Variants in ZNF33B observed in about 807,000 individuals in gnomAD.
The protein encoded by ZNF33B is zinc finger protein 33B, also known as zinc finger protein 11b (KOX 2).
A neutral mutation model predicts 45.8 loss-of-function variants in ZNF33B; 29 were observed. The ratio of observed to expected loss-of-function variants is 0.63; its 90% CI spans 0.47 to 0.86. The LOEUF (loss-of-function observed/expected upper bound fraction) is 0.86. ZNF33B is among the 40% of genes least tolerant of loss of function. The probability of loss-of-function intolerance (pLI) is 0.00; values close to 1 mark genes in which losing one functional copy is unlikely to be tolerated. For missense variants in ZNF33B, 831 were observed against 909.9 expected, an observed-to-expected ratio of 0.91 and a Z score of 1.12; for synonymous variants, 305 against 307.8, an observed-to-expected ratio of 0.99 and a Z score of 0.10.
chr10:42,584,369 C>G (rs1405934189), downstream of ZNF33B, among the ~76,000 whole-genome samples: 3 of 152,152 alleles, frequency 2.0e-5, no homozygotes, highest in African/African-American at 4.8e-5. Context: ...CTGCAAGACA[C>G]AGCCCACCTT....
In ZNF33B at chr10:42,638,116, T is replaced by G. The variant is rs1478593636; in HGVS notation, c.-45+358A>C. 3.9e-5 allele frequency among the ~76,000 whole-genome samples: 6 copies of G among 152,248 alleles called. No homozygotes were observed. The East Asian group carries it at 7.7e-4, about 20-fold the overall frequency. On this transcript the variant is annotated intron_variant, in intron 1 of 4. Transcript: ENST00000359467. The stretch of plus-strand genomic sequence containing the variant: ...AGAGTCCGTATGTCGGGCGGGCGAC[T>G]GCACCCGCCCTTTCCTACCCAGGTA...
intron 4 of ZNF33B, among the ~76,000 whole-genome samples, chr10:42,627,428 T>A (rs185633695): frequency 6.6e-6 from 1 of 152,378 alleles, no homozygotes; most frequent in East Asian, 1.9e-4. Flanking sequence ...TCATTTTATA[T>A]TTTTAATCAA....
intron 4 of ZNF33B, among the ~76,000 whole-genome samples, chr10:42,605,555 C>T (rs951510825): frequency 2.0e-5 from 3 of 151,976 alleles, no homozygotes; most frequent in African/African-American, 7.3e-5. Flanking sequence ...ACCAAAAAAA[C>T]TTGAGAATCC....
intron 4 of ZNF33B, among the ~76,000 whole-genome samples, chr10:42,626,728 A>G (rs935433480): frequency 1.3e-5 from 2 of 151,572 alleles, no homozygotes; most frequent in Non-Finnish European, 2.9e-5. Flanking sequence ...TAAATAAAAT[A>G]AAGAAATGTT....
At chr10:42,622,863 A>G (rs1035677192) in intron 4 of ZNF33B, among the ~76,000 whole-genome samples, 4 of 152,250 alleles carry the variant, frequency 2.6e-5, no homozygotes, top group African/African-American at 9.6e-5. Flanking sequence ...TGAAAATAAG[A>G]GCTAAAACAA....
chr10:42,632,059 G>A, intron 3 of ZNF33B, 35 bp from the exon 4 acceptor site: 1 of 1,606,038 alleles, frequency 6.2e-7, no homozygotes, highest in African/African-American at 1.3e-5. Flanking sequence ...TTTGGACCAA[G>A]CAGTCTAGAC....
At chr10:42,575,107 G>A (rs954487198) in intron 1 of ZNF33B, among the ~76,000 whole-genome samples, 1 of 152,182 alleles carries the variant, frequency 6.6e-6, no homozygotes, top group African/African-American at 2.4e-5. Flanking sequence ...GTATAAGAAA[G>A]AAGCGTGGTC....
chr10:42,636,776 A>G (rs899412682), intron 2 of ZNF33B, 144 bp downstream of exon 2: 23 of 1,102,274 alleles, frequency 2.1e-5, no homozygotes, highest in Non-Finnish European at 2.7e-5. Context: ...TGCAGTGAAC[A>G]GAGATGGAGA....
intron 4 of ZNF33B, among the ~76,000 whole-genome samples, chr10:42,607,983 C>G (rs1338887969): frequency 6.6e-6 from 1 of 152,070 alleles, no homozygotes; most frequent in African/African-American, 2.4e-5. Context: ...TAGATACAAA[C>G]AGGTTGAAAA....
intron 4 of ZNF33B, among the ~76,000 whole-genome samples, chr10:42,627,890 T>C (rs1589067750): frequency 6.6e-6 from 1 of 152,232 alleles, no homozygotes; most frequent in East Asian, 1.9e-4. Context: ...AAAACATACA[T>C]ACTCAGAATG....
chr10:42,635,659 A>G (rs1368411314), intron 2 of ZNF33B, among the ~76,000 whole-genome samples: 2 of 151,552 alleles, frequency 1.3e-5, no homozygotes, highest in Non-Finnish European at 2.9e-5. Flanking sequence ...AAAATACAAA[A>G]ATTAGCTGGG....
intron 4 of ZNF33B, among the ~76,000 whole-genome samples, chr10:42,611,415 AC>A (rs2132095249): frequency 6.6e-6 from 1 of 152,314 alleles, no homozygotes. Context: ...TGTATGAAAA[AC>A]AACCAAAATT....
chr10:42,584,377 C>T (rs1836886722), downstream of ZNF33B, among the ~76,000 whole-genome samples: 1 of 152,124 alleles, frequency 6.6e-6, no homozygotes, highest in Non-Finnish European at 1.5e-5. Flanking sequence ...CACAGCCCAC[C>T]TTAGGCAATG....
chr10:42,613,011 G>A (rs1268152117), intron 4 of ZNF33B, among the ~76,000 whole-genome samples: 1 of 152,126 alleles, frequency 6.6e-6, no homozygotes, highest in Non-Finnish European at 1.5e-5. Context: ...AAGGCATCCT[G>A]TACCAAAACC....
chr10:42,637,191 T>C (rs1839345170), intron 1 of ZNF33B, among the ~76,000 whole-genome samples: 1 of 152,214 alleles, frequency 6.6e-6, no homozygotes, highest in Admixed American at 6.5e-5. Flanking sequence ...CACAAGATTT[T>C]TCATCAGGTG....
At chr10:42,638,274 C>G (rs1466262060) in intron 1 of ZNF33B, among the ~76,000 whole-genome samples, 200 bp downstream of exon 1, 3 of 152,276 alleles carry the variant, frequency 2.0e-5, no homozygotes, top group Non-Finnish European at 4.4e-5. Context: ...ACGCACAGGG[C>G]GTAGCCCGCT....
At chr10:42,629,137 T>A (rs1388166287) in intron 4 of ZNF33B, among the ~76,000 whole-genome samples, 1 of 152,108 alleles carries the variant, frequency 6.6e-6, no homozygotes, top group Non-Finnish European at 1.5e-5. Flanking sequence ...TAAAAAAGAA[T>A]GAGAGATCCT....
intron 4 of ZNF33B, among the ~76,000 whole-genome samples, chr10:42,603,262 G>C (rs914523229): frequency 2.0e-5 from 3 of 152,200 alleles, no homozygotes; most frequent in East Asian, 1.9e-4. Context: ...TGTAAGGACA[G>C]AGAGTTCCAA....
chr10:42,607,534 T>C (rs1356937283), intron 4 of ZNF33B, among the ~76,000 whole-genome samples: 1 of 151,946 alleles, frequency 6.6e-6, no homozygotes, highest in African/African-American at 2.4e-5. Context: ...CCTATAAAAA[T>C]AATAAAATAT....
Sources: gnomAD v4.1 joint callset for allele counts (sites outside exome capture counted in the v4.1 genomes callset) on GRCh38, gnomAD v4.1.1 for gene constraint, MANE v1.5 for transcripts, NCBI Gene and HGNC (gene_info 2026-07-23, HGNC 2026-07-21) for gene names.